The following TASP1 variants were observed in gnomAD, a reference collection of about 807,000 sequenced individuals.
The protein encoded by TASP1 is threonine aspartase 1.
A neutral mutation model predicts 56.6 loss-of-function variants in TASP1; 16 were observed. The observed-to-expected ratio is 0.28, with a 90% CI of 0.19 to 0.43. The LOEUF is 0.43. Among genes scored for constraint, TASP1 ranks in the 20% least tolerant of loss-of-function variants. The probability of loss-of-function intolerance (pLI) is 1.00; values close to 1 mark genes in which losing one functional copy is unlikely to be tolerated. For missense variants in TASP1, 393 were observed against 511.6 expected, an observed-to-expected ratio of 0.77 and a Z score of 2.24; for synonymous variants, 179 against 184.2, an observed-to-expected ratio of 0.97 and a Z score of 0.23.
chr20:13,620,424 T>C (rs1405408218), intron 4 of TASP1, among the ~76,000 whole-genome samples: 1 of 152,200 alleles, frequency 6.6e-6, no homozygotes, highest in Non-Finnish European at 1.5e-5. Flanking sequence ...TACAGCCAGA[T>C]ACACTTTCTA....
At chr20:13,197,695 G>A in the TASP1 span, among the ~76,000 whole-genome samples, 74 of 152,264 alleles carry the variant, frequency 4.9e-4, no homozygotes, top group African/African-American at 1.7e-3. Context: ...CAACTGTAGT[G>A]CTCTATAAGT....
intron 13 of TASP1, among the ~76,000 whole-genome samples, chr20:13,411,156 G>T (rs1394725202): frequency 6.6e-6 from 1 of 152,088 alleles, no homozygotes; most frequent in African/African-American, 2.4e-5. Flanking sequence ...TGGATTTCTG[G>T]ATTCTCTACT....
At chr20:13,580,817 G>T in intron 6 of TASP1, 80 bp downstream of exon 6, 1 of 1,380,174 alleles carries the variant, frequency 7.2e-7, no homozygotes, top group Non-Finnish European at 1.0e-6. Context: ...ATGCTACCTG[G>T]TATGTAACCA....
intron 7 of TASP1, among the ~76,000 whole-genome samples, chr20:13,563,231 C>T (rs1005955786): frequency 2.0e-5 from 3 of 151,428 alleles, no homozygotes; most frequent in Admixed American, 6.6e-5. Context: ...TACAAGACTG[C>T]ATCATGAAGA....
the TASP1 span, among the ~76,000 whole-genome samples, chr20:13,196,979 T>C: frequency 6.6e-6 from 1 of 152,146 alleles, no homozygotes; most frequent in East Asian, 1.9e-4. Context: ...ATATAGTAGA[T>C]TGAAAACATA....
chr20:13,270,616 C>T, the TASP1 span: 12 of 1,613,934 alleles, frequency 7.4e-6, no homozygotes, highest in South Asian at 2.2e-5. Context: ...TTCCCCAGAC[C>T]GCGATTCCGA....
chr20:13,277,318 A>G, the TASP1 span, among the ~76,000 whole-genome samples: 2 of 152,164 alleles, frequency 1.3e-5, no homozygotes, highest in Non-Finnish European at 2.9e-5. Context: ...CCAGAGACTG[A>G]TTTCATTACC....
At chr20:13,528,002 A>C (rs1018396991) in intron 10 of TASP1, among the ~76,000 whole-genome samples, 2 of 152,062 alleles carry the variant, frequency 1.3e-5, no homozygotes, top group Admixed American at 6.6e-5. Context: ...AGGGCAGATC[A>C]CTTGAGGCCA....
chr20:13,548,587 G>A (rs1243702417), intron 8 of TASP1, among the ~76,000 whole-genome samples: 1 of 152,130 alleles, frequency 6.6e-6, no homozygotes, highest in South Asian at 2.1e-4. Context: ...GCCTGGTGAA[G>A]GTTTGACTGT....
chr20:13,440,383 T>C (rs189775296), intron 11 of TASP1, among the ~76,000 whole-genome samples: 33 of 152,246 alleles, frequency 2.2e-4, no homozygotes, highest in Non-Finnish European at 4.1e-4. Flanking sequence ...GGATTCCAGA[T>C]GACACAGCTA....
intron 13 of TASP1, among the ~76,000 whole-genome samples, chr20:13,394,190 A>T (rs2041415351): frequency 1.4e-5 from 2 of 147,970 alleles, no homozygotes; most frequent in Admixed American, 6.7e-5. Flanking sequence ...AGGCTGAGGC[A>T]GGAGAATCGC....
chr20:13,538,112 C>T lies in TASP1; in HGVS notation c.676-3971G>A, dbSNP rs528283149. Among the ~76,000 whole-genome samples, 9 of 151,908 alleles carry T rather than the reference C, an allele frequency of 5.9e-5. No homozygotes were observed. In the East Asian group the frequency reaches 1.7e-3, roughly 30 times the overall value. ...CCACCTCCCAGGTTTGAGCGATTCT[C>T]CTGCCTCAGCTTCCCGAGTAGGGGG... On this transcript the variant is annotated intron_variant, in intron 8 of 13. Transcript: ENST00000337743.
At chr20:13,420,866 T>TAA (rs1209482559) in intron 12 of TASP1, among the ~76,000 whole-genome samples, 1 of 152,172 alleles carries the variant, frequency 6.6e-6, no homozygotes, top group Non-Finnish European at 1.5e-5. Flanking sequence ...ATTTCATTGT[T>TAA]ATATTACTCT....
chr20:13,569,616 C>A, intron 6 of TASP1, 30 bp from the exon 7 acceptor site: 1 of 1,577,452 alleles, frequency 6.3e-7, no homozygotes. Context: ...TTTTAAAATT[C>A]ACAGTGTCAT....
At chr20:13,333,773 T>G in the TASP1 span, among the ~76,000 whole-genome samples, 1 of 152,252 alleles carries the variant, frequency 6.6e-6, no homozygotes, top group African/African-American at 2.4e-5. Context: ...ACTTTTTTAT[T>G]TTTGAATCTT....
chr20:13,557,672 C>T (rs1176772781), intron 8 of TASP1, among the ~76,000 whole-genome samples: 2 of 150,356 alleles, frequency 1.3e-5, no homozygotes, highest in Admixed American at 1.3e-4. Flanking sequence ...CCTTGACACC[C>T]CAGACTCAGG....
the TASP1 span, among the ~76,000 whole-genome samples, chr20:13,285,975 A>G: frequency 6.6e-6 from 1 of 152,154 alleles, no homozygotes; most frequent in East Asian, 1.9e-4. Flanking sequence ...AAAGCCAAGA[A>G]CACCATTTGG....
At chr20:13,303,664 G>T in the TASP1 span, among the ~76,000 whole-genome samples, 1 of 152,204 alleles carries the variant, frequency 6.6e-6, no homozygotes, top group Non-Finnish European at 1.5e-5. Flanking sequence ...TCACTTGCCT[G>T]CTGGGAGTTG....
chr20:13,343,016 G>A, the TASP1 span, among the ~76,000 whole-genome samples: 2 of 152,188 alleles, frequency 1.3e-5, no homozygotes, highest in Admixed American at 1.3e-4. Context: ...CTCTGGGAAT[G>A]GAGCCTTCTC....
Sources: allele counts gnomAD v4.1 joint callset (sites outside exome capture counted in the v4.1 genomes callset), GRCh38; gene constraint gnomAD v4.1.1; transcripts MANE v1.5; gene names NCBI Gene and HGNC (gene_info 2026-07-23, HGNC 2026-07-21).